Variants in COX4I2 observed in about 807,000 individuals in gnomAD.
The protein encoded by COX4I2 is cytochrome c oxidase subunit 4 isoform 2, mitochondrial.
COX4I2 carries 15 observed loss-of-function variants against 20.8 expected under a neutral mutation model. The observed-to-expected ratio is 0.72, with a 90% CI of 0.48 to 1.11. The LOEUF (loss-of-function observed/expected upper bound fraction) is 1.11. COX4I2 is among the 50% of genes most tolerant of loss of function. The pLI is 0.00. For synonymous variants in COX4I2, 80 were observed against 78.1 expected, an observed-to-expected ratio of 1.02 and a Z score of -0.13; for missense variants, 224 against 223.0, an observed-to-expected ratio of 1.00 and a Z score of -0.03.
At chr20:31,639,324 C>G in intron 2 of COX4I2, 1 of 979,506 alleles carries the variant, frequency 1.0e-6, no homozygotes, top group Non-Finnish European at 1.2e-6. Context: ...TCCTTAGGAG[C>G]CAGCCCCCAA....
intron 3 of COX4I2, 138 bp downstream of exon 3, chr20:31,640,235 A>C: frequency 2.3e-6 from 2 of 880,100 alleles, no homozygotes; most frequent in Non-Finnish European, 3.5e-6. Flanking sequence ...GGTGAAGTTC[A>C]TGCCTTTGTT....
intron 4 of COX4I2, among the ~76,000 whole-genome samples, chr20:31,644,243 T>C (rs2060483820): frequency 6.6e-6 from 1 of 152,222 alleles, no homozygotes; most frequent in African/African-American, 2.4e-5. Context: ...TATATAATTA[T>C]AGTAGGTAAC....
At chr20:31,643,274 A>G (rs747316597) in intron 3 of COX4I2, 130 bp from the exon 4 acceptor site, 25 of 1,062,704 alleles carry the variant, frequency 2.4e-5, no homozygotes, top group Non-Finnish European at 3.5e-5. Context: ...GTTCCTGGTC[A>G]TGCTGTGCAT....
At chr20:31,641,053 A>G (rs776200613) in intron 3 of COX4I2, among the ~76,000 whole-genome samples, 1 of 151,156 alleles carries the variant, frequency 6.6e-6, no homozygotes, top group Non-Finnish European at 1.5e-5. Context: ...AGAGGGGAGG[A>G]ATAGCATTAG....
chr20:31,638,987 G>A (rs1302855928), intron 1 of COX4I2, 31 bp from the exon 2 acceptor site: 3 of 1,588,428 alleles, frequency 1.9e-6, no homozygotes, highest in Non-Finnish European at 1.7e-6. Flanking sequence ...TGATGTGGGG[G>A]CAGAACTCAT....
chr20:31,640,405 A>T (rs1568832647), intron 3 of COX4I2, among the ~76,000 whole-genome samples: 2 of 152,178 alleles, frequency 1.3e-5, no homozygotes, highest in Non-Finnish European at 2.9e-5. Flanking sequence ...ACATGTGGCT[A>T]GGGTGAGGTG....
chr20:31,641,971 G>A (rs957955957), intron 3 of COX4I2, among the ~76,000 whole-genome samples: 3 of 152,010 alleles, frequency 2.0e-5, no homozygotes, highest in Non-Finnish European at 4.4e-5. Flanking sequence ...CTCCCAAAGT[G>A]CTGGGATTAC....
chr20:31,644,922 C>T lies in COX4I2; in HGVS notation c.*18C>T, dbSNP rs2060488281. ...AGAAGTGACTTGCATCCCCAGCTGT[C>T]TCCCTGAGGCTCCGCCCTGGCTGGG... On this transcript the variant is annotated 3_prime_UTR_variant, in exon 5 of 5. Transcript: ENST00000376075. 6.2e-7 allele frequency: 1 copy of T among 1,611,554 alleles called. No individual in the cohort carries two copies. The highest frequency in any genetic ancestry group is 1.3e-5 in the African/African-American group (1 of 74,880).
chr20:31,644,869 C>A lies in COX4I2; in HGVS notation c.481C>A (p.Arg161Ser). 2 of 1,614,088 alleles carry A rather than the reference C, an allele frequency of 1.2e-6. No homozygotes were observed. Among genetic ancestry groups the A allele is most frequent in the South Asian group, 2.2e-5 (2 of 91,060 alleles). ...GAATCCTGTGCAGGGCCTGGCCTCC[C>A]GCTGGGACTATGAGAAGAAGCAGTG... is the stretch of plus-strand genomic sequence containing the variant. ...KVNPVQGLASRWDYEKKQWKK is the reference protein window; with the variant it reads ...KVNPVQGLASSWDYEKKQWKK The change falls in exon 5 of 5, where the codon CGC (arginine) becomes AGC (serine). Residue 161 changes from arginine to serine, a missense_variant. Coordinates refer to ENST00000376075, the MANE Select transcript of COX4I2 (RefSeq NM_032609.3).
intron 3 of COX4I2, among the ~76,000 whole-genome samples, chr20:31,640,666 C>T (rs2060462593): frequency 1.3e-5 from 2 of 152,082 alleles, no homozygotes; most frequent in African/African-American, 4.8e-5. Flanking sequence ...GGTCCCTTGT[C>T]ATGTCCACCA....
At chr20:31,644,438 T>G (rs752743955) in intron 4 of COX4I2, among the ~76,000 whole-genome samples, 1 of 152,104 alleles carries the variant, frequency 6.6e-6, no homozygotes, top group Non-Finnish European at 1.5e-5. Context: ...ATTCAGGCAG[T>G]CTTCAAATCA....
At chr20:31,639,140 T>G in intron 2 of COX4I2, 41 bp downstream of exon 2, 1 of 1,576,006 alleles carries the variant, frequency 6.3e-7, no homozygotes, top group South Asian at 1.2e-5. Context: ...ACTCCAGAGA[T>G]AGGGGCAGGG....
rs372684219 is a variant in COX4I2 at position 31,643,384 on chromosome 20, C to T, written c.248-20C>T. The T allele has an allele frequency of 8.1e-6, 13 of 1,613,730 alleles. No individual in the cohort carries two copies. The highest frequency in any genetic ancestry group is 1.1e-5 in the Non-Finnish European group (13 of 1,180,008). ...AGTGGACGCACCTGAGGCCCCTTCCCCACACCCAACTGCCTCCAGTGTACC... is the reference window on the plus strand; with the variant it reads ...AGTGGACGCACCTGAGGCCCCTTCCTCACACCCAACTGCCTCCAGTGTACC... On this transcript the variant is annotated intron_variant, in intron 3 of 4. Transcript: ENST00000376075.
At chr20:31,640,791 T>C (rs1487115923) in intron 3 of COX4I2, among the ~76,000 whole-genome samples, 1 of 152,158 alleles carries the variant, frequency 6.6e-6, no homozygotes, top group East Asian at 1.9e-4. Context: ...GAAAGGTTCA[T>C]GCTTCTCACA....
intron 3 of COX4I2, among the ~76,000 whole-genome samples, chr20:31,641,374 A>T (rs533064497): frequency 6.6e-6 from 1 of 151,956 alleles, no homozygotes; most frequent in African/African-American, 2.4e-5. Flanking sequence ...AAAAAAAAAA[A>T]AAAAAAGAGA....
intron 3 of COX4I2, 29 bp from the exon 4 acceptor site, chr20:31,643,375 G>A (rs780278188): frequency 1.4e-5 from 22 of 1,613,500 alleles, no homozygotes; most frequent in Non-Finnish European, 1.9e-5. Flanking sequence ...CGCACCTGAG[G>A]CCCCTTCCCC....
rs189049061 is a variant in COX4I2 at position 31,644,715 on chromosome 20, G to A, written c.380-53G>A. The A allele has an allele frequency of 2.9e-4, 460 of 1,611,440 alleles. 3 individuals are homozygous for A. In the African/African-American group the frequency reaches 5.5e-3, roughly 19 times the overall value. On this transcript the variant is annotated intron_variant, in intron 4 of 4. Transcript: ENST00000376075. The stretch of plus-strand genomic sequence containing the variant: ...GGCTACAGGGTGGCTGGAGACCCTG[G>A]CTGGTGTAGGAAGACTGGCAGGATC...
At position 31,640,347 on chromosome 20, in the gene COX4I2, C is replaced by T. The variant is rs929859352; in HGVS notation, c.247+250C>T. On this transcript the variant is annotated intron_variant, in intron 3 of 4. Transcript: ENST00000376075. ...ATAGTTCCTGCCCCCATGGTGCCCC[C>T]GGTCCCGTGGGGAAAACCAATACAG... Among the ~76,000 whole-genome samples the T allele has an allele frequency of 2.0e-4, 30 of 152,296 alleles. 1 individual carries two copies. The highest frequency in any genetic ancestry group is 6.7e-4 in the African/African-American group (28 of 41,550).
intron 4 of COX4I2, 93 bp from the exon 5 acceptor site, chr20:31,644,675 T>G: frequency 6.9e-7 from 1 of 1,450,188 alleles, no homozygotes; most frequent in East Asian, 2.3e-5. Context: ...CCGTCAGCCT[T>G]GCGAGTGGCT....
Sources: allele counts gnomAD v4.1 joint callset (sites outside exome capture counted in the v4.1 genomes callset), GRCh38; gene constraint gnomAD v4.1.1; transcripts MANE v1.5; gene names NCBI Gene and HGNC (gene_info 2026-07-23, HGNC 2026-07-21).